Variants in GALNT13 observed in about 807,000 individuals in gnomAD.
GALNT13 encodes polypeptide N-acetylgalactosaminyltransferase 13.
A neutral mutation model predicts 64.2 loss-of-function variants in GALNT13; 28 were observed. The observed-to-expected ratio is 0.44, with a 90% CI of 0.32 to 0.60. The LOEUF (loss-of-function observed/expected upper bound fraction) is 0.60, where lower values mean the gene tolerates loss of function less well. GALNT13 is among the 20% of genes least tolerant of loss of function. GALNT13 has a pLI of 0.05. For synonymous variants in GALNT13, 214 were observed against 224.6 expected (o/e 0.95, Z 0.42); for missense variants, 577 against 669.8 (o/e 0.86, Z 1.53).
intron 4 of GALNT13, among the ~76,000 whole-genome samples, chr2:154,167,039 A>C (rs1038853639): frequency 1.1e-4 from 16 of 152,252 alleles, no homozygotes; most frequent in African/African-American, 3.9e-4. Context: ...TGATGAGTTA[A>C]TGGGTGCAGC....
chr2:153,465,565 C>T, the GALNT13 span, among the ~76,000 whole-genome samples: 1 of 151,580 alleles, frequency 6.6e-6, no homozygotes, highest in African/African-American at 2.4e-5. Context: ...CTGTTAAATC[C>T]ATGAGTCTGT....
the GALNT13 span, among the ~76,000 whole-genome samples, chr2:153,678,073 A>C: frequency 2.1e-3 from 290 of 140,140 alleles, 2 homozygotes; most frequent in African/African-American, 6.9e-3. Context: ...GAAAAAACAA[A>C]AAAACAAAAG....
chr2:153,666,617 C>A, the GALNT13 span, among the ~76,000 whole-genome samples: 1 of 152,172 alleles, frequency 6.6e-6, no homozygotes, highest in Non-Finnish European at 1.5e-5. Context: ...AATTATACCA[C>A]CATCGAACCC....
At chr2:153,111,244 T>C in the GALNT13 span, among the ~76,000 whole-genome samples, 2 of 152,210 alleles carry the variant, frequency 1.3e-5, no homozygotes, top group African/African-American at 4.8e-5. Flanking sequence ...TATTAAAGAA[T>C]GATACCTTAG....
the GALNT13 span, among the ~76,000 whole-genome samples, chr2:153,691,457 G>T: frequency 2.0e-5 from 3 of 151,952 alleles, no homozygotes; most frequent in African/African-American, 4.8e-5. Flanking sequence ...TTCATTAAAA[G>T]CTTTTAAGTC....
intron 3 of GALNT13, among the ~76,000 whole-genome samples, chr2:154,011,525 T>C (rs1188861317): frequency 6.6e-6 from 1 of 152,180 alleles, no homozygotes; most frequent in Non-Finnish European, 1.5e-5. Context: ...CATGTGCAGA[T>C]GAGAAGAATG....
At chr2:153,277,908 C>CTTTTCTTTTTTTTTTTTTTTTTT in the GALNT13 span, among the ~76,000 whole-genome samples, 3 of 69,590 alleles carry the variant, frequency 4.3e-5, no homozygotes, top group Non-Finnish European at 9.9e-5. Context: ...TTTCTTTTTT[C>CTTTTCTTTTTTTTTTTTTTTTTT]TTTTGTTTTC....
chr2:154,317,368 GATTTTTAGTGAAGTAAGCTACAA>G (rs1024822884), intron 9 of GALNT13, among the ~76,000 whole-genome samples: 4 of 152,222 alleles, frequency 2.6e-5, no homozygotes, highest in African/African-American at 9.6e-5. Flanking sequence ...ATTTGGAATT[GATTTTTAGTGAAGTAAGCTACAA>G]ATTGAGTAAT....
rs1701020082 is a variant in GALNT13, at chr2:154,076,956, CTAAGGTGGT to C, written c.143-63380_143-63372del. ...AACTTATTAACGTTTGCAGCATTTC[CTAAGGTGGT>C]CTCTAAAATCTGCTCTATTTTAGCA... On this transcript the variant is annotated intron_variant, in intron 3 of 12. Transcript: ENST00000392825. Among the ~76,000 whole-genome samples the C allele has an allele frequency of 3.3e-5, 5 of 151,680 alleles. No individual in the cohort carries two copies. The South Asian group carries it at 1.0e-3, about 31-fold the overall frequency.
At chr2:153,695,703 A>C in the GALNT13 span, among the ~76,000 whole-genome samples, 1 of 149,536 alleles carries the variant, frequency 6.7e-6, no homozygotes, top group Non-Finnish European at 1.5e-5. Flanking sequence ...CTATAGATTA[A>C]ATTATATTTT....
the GALNT13 span, among the ~76,000 whole-genome samples, chr2:153,788,096 G>T: frequency 5.9e-3 from 903 of 152,136 alleles, 16 homozygotes; most frequent in African/African-American, 0.021. Flanking sequence ...AAAACCTCTG[G>T]CTTGGGCCCA....
At chr2:154,247,005 C>T (rs1689819291) in intron 7 of GALNT13, among the ~76,000 whole-genome samples, 1 of 151,872 alleles carries the variant, frequency 6.6e-6, no homozygotes. Context: ...GAAGGGATGA[C>T]TTATCTATTG....
At chr2:153,686,615 A>G in the GALNT13 span, among the ~76,000 whole-genome samples, 3 of 151,914 alleles carry the variant, frequency 2.0e-5, no homozygotes, top group African/African-American at 4.8e-5. Context: ...TTCTCTCCCT[A>G]TTTGAATGCT....
chr2:153,202,727 A>G, the GALNT13 span, among the ~76,000 whole-genome samples: 1 of 152,250 alleles, frequency 6.6e-6, no homozygotes, highest in Non-Finnish European at 1.5e-5. Flanking sequence ...ATGATCTCCA[A>G]AGAGTGTGCT....
At chr2:154,344,053 CCCATTACTTGATAGAATATGTTT>C (rs1695924164) in intron 9 of GALNT13, among the ~76,000 whole-genome samples, 2 of 151,898 alleles carry the variant, frequency 1.3e-5, no homozygotes, top group Admixed American at 6.6e-5. Context: ...AGTCTTATGA[CCCATTACTTGATAGAATATGTTT>C]CTAAGAAGGA....
At chr2:153,561,214 T>C in the GALNT13 span, among the ~76,000 whole-genome samples, 16 of 151,914 alleles carry the variant, frequency 1.1e-4, no homozygotes, top group African/African-American at 3.6e-4. Flanking sequence ...TCTCTGCATA[T>C]GAAGATAATC....
intron 9 of GALNT13, among the ~76,000 whole-genome samples, chr2:154,352,766 C>A (rs16836636): frequency 0.036 from 5,407 of 152,242 alleles, 140 homozygotes; most frequent in Non-Finnish European, 0.055. Flanking sequence ...ATGTGCCTCC[C>A]ACTTAGGGTA....
chr2:153,823,770 G>A, the GALNT13 span, among the ~76,000 whole-genome samples: 2 of 152,110 alleles, frequency 1.3e-5, no homozygotes, highest in Non-Finnish European at 2.9e-5. Flanking sequence ...TGACAAGTGG[G>A]ATCTAATTAA....
intron 3 of GALNT13, among the ~76,000 whole-genome samples, chr2:154,076,944 T>C (rs952156192): frequency 2.0e-5 from 3 of 151,644 alleles, no homozygotes; most frequent in Non-Finnish European, 4.4e-5. Flanking sequence ...TTATTAACGT[T>C]TGCAGCATTT....
Sources: allele counts gnomAD v4.1 joint callset (sites outside exome capture counted in the v4.1 genomes callset), GRCh38; gene constraint gnomAD v4.1.1; transcripts MANE v1.5; gene names NCBI Gene and HGNC (gene_info 2026-07-23, HGNC 2026-07-21).